The following INTS15 variants were observed in gnomAD, a reference collection of about 807,000 sequenced individuals.
INTS15 encodes the protein integrator complex subunit 15, also known as uncharacterized protein C7orf26.
the INTS15 span, among the ~76,000 whole-genome samples, chr7:6,592,432 T>C: frequency 6.6e-6 from 1 of 151,418 alleles, no homozygotes; most frequent in African/African-American, 2.4e-5. Flanking sequence ...CCAGGCGTGG[T>C]AGCACGCGCC....
chr7:6,605,888 G>A, the INTS15 span, among the ~76,000 whole-genome samples: 4 of 151,642 alleles, frequency 2.6e-5, no homozygotes, highest in African/African-American at 7.3e-5. Context: ...TAATAGAGAC[G>A]GGTTTTCGCC....
chr7:6,590,101 G>C, the INTS15 span: 1 of 403,068 alleles, frequency 2.5e-6, no homozygotes, highest in East Asian at 4.4e-5. Context: ...GGCGCCTGCT[G>C]GCCGGCGGCA....
the INTS15 span, chr7:6,594,392 T>G: frequency 2.5e-6 from 4 of 1,608,114 alleles, no homozygotes; most frequent in Non-Finnish European, 3.4e-6. Context: ...GTCTACTCAC[T>G]CACGACATCT....
the INTS15 span, among the ~76,000 whole-genome samples, chr7:6,598,565 A>T: frequency 2.6e-5 from 4 of 151,590 alleles, no homozygotes; most frequent in East Asian, 7.8e-4. Context: ...ATACTCCAAC[A>T]GTTGGCAGGA....
At chr7:6,598,483 AAAG>A in the INTS15 span, among the ~76,000 whole-genome samples, 1 of 150,810 alleles carries the variant, frequency 6.6e-6, no homozygotes, top group South Asian at 2.1e-4. Flanking sequence ...AAAAAAAAAA[AAAG>A]GCACACAGGA....
the INTS15 span, chr7:6,600,481 C>T: frequency 9.6e-7 from 1 of 1,044,904 alleles, no homozygotes; most frequent in Non-Finnish European, 1.3e-6. Context: ...CTAGTGAACA[C>T]AGGGGAGGAA....
the INTS15 span, among the ~76,000 whole-genome samples, chr7:6,594,996 A>G: frequency 5.2e-3 from 786 of 151,778 alleles, 10 homozygotes; most frequent in African/African-American, 0.018. Context: ...CCAAACTGCT[A>G]GGATTATAGG....
chr7:6,590,098 G>C, the INTS15 span: 2 of 390,894 alleles, frequency 5.1e-6, no homozygotes, highest in East Asian at 4.5e-5. Flanking sequence ...TCGGGCGCCT[G>C]CTGGCCGGCG....
the INTS15 span, chr7:6,602,279 C>T: frequency 4.0e-5 from 26 of 650,398 alleles, no homozygotes; most frequent in African/African-American, 1.5e-4. Context: ...CATCAGAAAA[C>T]GCACGTGAAT....
At chr7:6,607,461 C>T in the INTS15 span, 1 of 1,158,790 alleles carries the variant, frequency 8.6e-7, no homozygotes, top group Non-Finnish European at 1.2e-6. This position sits in a 1 kb window ranked among gnomAD's most constrained non-coding sequence, Gnocchi z 6.0. Flanking sequence ...TGGGTGGGTC[C>T]CGGAGGTCTG....
chr7:6,603,808 C>T, the INTS15 span, among the ~76,000 whole-genome samples: 1 of 151,974 alleles, frequency 6.6e-6, no homozygotes, highest in Non-Finnish European at 1.5e-5. Context: ...CATTGCGTTC[C>T]AGCCTGGGCA....
At chr7:6,598,518 G>C in the INTS15 span, among the ~76,000 whole-genome samples, 1 of 150,186 alleles carries the variant, frequency 6.7e-6, no homozygotes, top group African/African-American at 2.5e-5. Context: ...CCCCGCTGTA[G>C]CCATCGTCTC....
chr7:6,591,368 G>A, the INTS15 span, among the ~76,000 whole-genome samples: 1 of 151,000 alleles, frequency 6.6e-6, no homozygotes, highest in African/African-American at 2.4e-5. Context: ...CCAGGTTCAA[G>A]CGAGATTCCT....
chr7:6,596,537 C>T, the INTS15 span, among the ~76,000 whole-genome samples: 1 of 149,046 alleles, frequency 6.7e-6, no homozygotes, highest in Non-Finnish European at 1.5e-5. Context: ...CGCCACCACA[C>T]CCGGCTACTT....
the INTS15 span, among the ~76,000 whole-genome samples, chr7:6,601,716 G>T: frequency 6.6e-6 from 1 of 151,778 alleles, no homozygotes. Flanking sequence ...GAGTGCAGTG[G>T]TGTGATCTCG....
At chr7:6,608,230 T>C in the INTS15 span, 1 of 1,524,472 alleles carries the variant, frequency 6.6e-7, no homozygotes, top group Non-Finnish European at 8.8e-7. Flanking sequence ...GTGGCCGGAC[T>C]CCCAGAAGAG....
the INTS15 span, chr7:6,599,788 G>A: frequency 1.9e-6 from 3 of 1,585,746 alleles, no homozygotes; most frequent in African/African-American, 1.3e-5. Flanking sequence ...CCCTGTCCTC[G>A]AGGCCAAGAG....
chr7:6,592,535 C>G, the INTS15 span, among the ~76,000 whole-genome samples: 1 of 151,782 alleles, frequency 6.6e-6, no homozygotes, highest in Admixed American at 6.6e-5. Flanking sequence ...TCACTGCACT[C>G]CAGCCTGGGT....
chr7:6,606,907 C>G, the INTS15 span, among the ~76,000 whole-genome samples: 1 of 152,076 alleles, frequency 6.6e-6, no homozygotes, highest in African/African-American at 2.4e-5. Context: ...TAGGGTCTCA[C>G]TGTATTGCTC....
Sources: gnomAD v4.1 joint callset for allele counts (sites outside exome capture counted in the v4.1 genomes callset) on GRCh38, gnomAD v4.1.1 for gene constraint, Gnocchi (gnomAD v3.1) non-coding constraint, MANE v1.5 for transcripts, NCBI Gene and HGNC (gene_info 2026-07-23, HGNC 2026-07-21) for gene names.